The following DDX19B variants were observed in gnomAD, a reference collection of about 807,000 sequenced individuals.
The protein encoded by DDX19B is DEAD-box helicase 19B, also known as ATP-dependent RNA helicase DDX19B.
DDX19B carries 27 observed loss-of-function variants against 58.1 expected under a neutral mutation model. The ratio of observed to expected loss-of-function variants is 0.46; its 90% CI spans 0.34 to 0.64. The LOEUF is 0.64. Ranked by LOEUF, DDX19B falls within the 30% of genes least tolerant of loss-of-function variation. The probability of loss-of-function intolerance (pLI) is 0.01; values close to 1 mark genes in which losing one functional copy is unlikely to be tolerated. For synonymous variants in DDX19B, 187 were observed against 214.4 expected (o/e 0.87, Z 1.12); for missense variants, 399 against 596.5 (o/e 0.67, Z 3.45).
chr16:70,308,699 G>C (rs370197920), intron 1 of DDX19B, among the ~76,000 whole-genome samples: 1 of 151,984 alleles, frequency 6.6e-6, no homozygotes, highest in Non-Finnish European at 1.5e-5. Flanking sequence ...TCTTTATAGA[G>C]GTGGAGTCTC....
At chr16:70,324,541 A>G in intron 5 of DDX19B, 44 bp from the exon 6 acceptor site, 1 of 1,560,600 alleles carries the variant, frequency 6.4e-7, no homozygotes, top group African/African-American at 1.4e-5. Context: ...TTGTTAACTA[A>G]AAGGTTGAGA....
intron 6 of DDX19B, among the ~76,000 whole-genome samples, chr16:70,324,982 C>T (rs1035954535): frequency 9.2e-5 from 14 of 152,108 alleles, no homozygotes; most frequent in African/African-American, 2.9e-4. Context: ...ACCCGGGAGG[C>T]GGAGGTTGCA....
chr16:70,290,458 C>T (rs944425978), upstream of DDX19B, among the ~76,000 whole-genome samples: 1 of 151,894 alleles, frequency 6.6e-6, no homozygotes, highest in Non-Finnish European at 1.5e-5. Flanking sequence ...CCTCGGGAGG[C>T]GGAAGTTGCG....
chr16:70,311,631 G>A (rs1232599120), intron 1 of DDX19B, among the ~76,000 whole-genome samples: 1 of 152,096 alleles, frequency 6.6e-6, no homozygotes, highest in Non-Finnish European at 1.5e-5. Context: ...TCTTTGAAAT[G>A]TCTCTTTCCT....
At chr16:70,328,901 G>C (rs1299998794) in intron 7 of DDX19B, among the ~76,000 whole-genome samples, 1 of 151,838 alleles carries the variant, frequency 6.6e-6, no homozygotes, top group Admixed American at 6.6e-5. Flanking sequence ...TTCTCAGAGA[G>C]AAGAGCTGGC....
intron 5 of DDX19B, among the ~76,000 whole-genome samples, chr16:70,322,559 AG>A (rs1257501351): frequency 6.9e-6 from 1 of 144,222 alleles, no homozygotes; most frequent in Non-Finnish European, 1.5e-5. Flanking sequence ...ACTGCACTCC[AG>A]TCTGGGCGAC....
intron 1 of DDX19B, among the ~76,000 whole-genome samples, chr16:70,309,681 A>G (rs889059706): frequency 1.9e-4 from 28 of 151,090 alleles, no homozygotes; most frequent in African/African-American, 6.8e-4. Flanking sequence ...AGCTGTGCGT[A>G]GTTGCACACG....
chr16:70,310,941 G>C (rs1275276880), intron 1 of DDX19B, among the ~76,000 whole-genome samples: 1 of 151,332 alleles, frequency 6.6e-6, no homozygotes, highest in Non-Finnish European at 1.5e-5. Context: ...TGAGGCAGGA[G>C]AATGGCATGA....
At chr16:70,302,557 G>A (rs181412891) in intron 1 of DDX19B, among the ~76,000 whole-genome samples, 7 of 152,230 alleles carry the variant, frequency 4.6e-5, no homozygotes, top group Admixed American at 2.6e-4. Flanking sequence ...ATTCAACCAA[G>A]TTGCATGTAT....
chr16:70,289,866 G>A (rs1961013114), upstream of DDX19B: 2 of 400,970 alleles, frequency 5.0e-6, no homozygotes, highest in South Asian at 1.8e-5. Context: ...GTGTTTGGTA[G>A]AGGTTACATA....
Position 70,324,591 on chromosome 16 carries a change from G to C in DDX19B, c.396G>C (p.Gln132His), listed in dbSNP as rs1963043271. 3.7e-6 allele frequency: 6 copies of C among 1,613,226 alleles called. No individual in the cohort carries two copies. The highest frequency in any genetic ancestry group is 4.2e-6 in the Non-Finnish European group (5 of 1,179,846). Residue 132 changes from glutamine (Q) to histidine (H), a missense_variant, in exon 6 of 12, where the codon CAG (glutamine) becomes CAC (histidine). Gln to His is a conservative substitution (Grantham distance 24, BLOSUM62 0). Around this residue, in one of 4 missense-constraint regions of DDX19B, gnomAD observed 132 missense variants for 159.4 expected, o/e 0.83. Transcript: ENST00000288071. The part of the protein sequence containing the change: ...ALPLMLAEPP[Q>H]NLIAQSQSGT... Reference sequence around the variant, plus strand: ...TAGTTTGTTTCTTGCGCAGCCCACAGAACTTAATTGCCCAATCTCAGTCTG... The same window carrying C: ...TAGTTTGTTTCTTGCGCAGCCCACACAACTTAATTGCCCAATCTCAGTCTG...
chr16:70,296,025 G>T (rs903859078), upstream of DDX19B, among the ~76,000 whole-genome samples: 27 of 133,722 alleles, frequency 2.0e-4, no homozygotes, highest in East Asian at 2.3e-4. Flanking sequence ...TTTTTTTTGA[G>T]ACAGAGGCTC....
chr16:70,307,681 GTGTGTGTGTGTGTATGTATATA>G (rs1181333386), intron 1 of DDX19B, among the ~76,000 whole-genome samples: 4 of 151,290 alleles, frequency 2.6e-5, no homozygotes, highest in African/African-American at 9.7e-5. Flanking sequence ...ATATATGTGT[GTGTGTGTGTGTGTATGTATATA>G]TGTGTGTGTG....
intron 5 of DDX19B, among the ~76,000 whole-genome samples, chr16:70,323,427 T>C (rs1338854999): frequency 1.1e-4 from 17 of 150,064 alleles, no homozygotes; most frequent in Admixed American, 1.1e-3. Context: ...TTTTCTTTTT[T>C]CTTTTTTTTT....
upstream of DDX19B, among the ~76,000 whole-genome samples, chr16:70,296,597 TA>T (rs1209560346): frequency 1.3e-5 from 2 of 152,156 alleles, no homozygotes; most frequent in African/African-American, 2.4e-5. Context: ...CAAATTTCAT[TA>T]ACCTCTAGCC....
intron 1 of DDX19B, among the ~76,000 whole-genome samples, chr16:70,308,180 T>G (rs1961869332): frequency 6.6e-6 from 1 of 152,050 alleles, no homozygotes; most frequent in Non-Finnish European, 1.5e-5. Context: ...CTCGAACTCC[T>G]GACCTCAGGT....
rs1963593254 is a variant in DDX19B at position 70,333,515 on chromosome 16, C to T, written c.1379-6C>T. Reference sequence around the variant, plus strand: ...CAGGGTAGAGACCTGTGTATCTTTCCCCCAGATAAGAAGATAGAAAGATTG... The same window carrying T: ...CAGGGTAGAGACCTGTGTATCTTTCTCCCAGATAAGAAGATAGAAAGATTG... On this transcript the variant is annotated splice_polypyrimidine_tract_variant and splice_region_variant and intron_variant, in intron 11 of 11. Transcript: ENST00000288071. The T allele has an allele frequency of 1.2e-6, 2 of 1,613,946 alleles. No homozygotes were observed. The highest frequency in any genetic ancestry group is 1.7e-6 in the Non-Finnish European group (2 of 1,179,864).
upstream of DDX19B, among the ~76,000 whole-genome samples, chr16:70,293,597 A>ATTTTTTTTTTTTTTTTT (rs71151182): frequency 2.9e-4 from 22 of 77,020 alleles, 3 homozygotes; most frequent in African/African-American, 1.2e-3. Flanking sequence ...GGATGGCTGA[A>ATTTTTTTTTTTTTTTTT]TTTTTTTTTT....
At chr16:70,304,372 CTTTTT>C (rs1055145154) in intron 1 of DDX19B, among the ~76,000 whole-genome samples, 1 of 128,904 alleles carries the variant, frequency 7.8e-6, no homozygotes, top group Non-Finnish European at 1.7e-5. Flanking sequence ...ACAGAGATGT[CTTTTT>C]TTTTTTTTTT....
Sources: allele counts gnomAD v4.1 joint callset (sites outside exome capture counted in the v4.1 genomes callset), GRCh38; gene constraint gnomAD v4.1.1; regional missense constraint gnomAD v4.1.1; transcripts MANE v1.5; gene names NCBI Gene and HGNC (gene_info 2026-07-23, HGNC 2026-07-21).